FANCL: variants seen among roughly 807,000 people sequenced by gnomAD.
The protein encoded by FANCL is E3 ubiquitin-protein ligase FANCL.
A neutral mutation model predicts 59.4 loss-of-function variants in FANCL; 69 were observed. That is an observed-to-expected ratio of 1.16 (90% CI 0.96 to 1.42). The LOEUF (loss-of-function observed/expected upper bound fraction) is 1.42, where lower values mean the gene tolerates loss of function less well. Among genes scored for constraint, FANCL ranks in the 40% most tolerant of loss-of-function variants. The probability of loss-of-function intolerance (pLI) is 0.00; values close to 1 mark genes in which losing one functional copy is unlikely to be tolerated. For synonymous variants in FANCL, 180 were observed against 147.1 expected (o/e 1.22, Z -1.62); for missense variants, 519 against 447.2 (o/e 1.16, Z -1.45).
intron 6 of FANCL, among the ~76,000 whole-genome samples, chr2:58,201,088 A>G (rs1438586980): frequency 1.3e-5 from 2 of 150,752 alleles, no homozygotes; most frequent in Non-Finnish European, 3.0e-5. Flanking sequence ...TCATTTTCAG[A>G]ATAGCTTCTG....
intron 1 of FANCL, among the ~76,000 whole-genome samples, chr2:58,238,262 G>T (rs7599987): frequency 0.035 from 5,251 of 152,170 alleles, 314 homozygotes; most frequent in African/African-American, 0.12. Flanking sequence ...CAAAAGATTG[G>T]ACACCCTGTT....
intron 2 of FANCL, 26 bp downstream of exon 2, chr2:58,232,028 A>T: frequency 1.2e-6 from 2 of 1,606,138 alleles, no homozygotes; most frequent in Non-Finnish European, 8.5e-7. Flanking sequence ...GCAAAAATGC[A>T]CGTTTATAAC....
At chr2:58,161,763 A>G (rs1335466490) in intron 11 of FANCL, 125 bp from the exon 12 acceptor site, 1 of 675,872 alleles carries the variant, frequency 1.5e-6, no homozygotes, top group Non-Finnish European at 2.7e-6. Context: ...CATCAGGATA[A>G]TTAAGATATT....
chr2:58,181,895 C>T (rs920207671), intron 7 of FANCL, among the ~76,000 whole-genome samples: 4 of 151,574 alleles, frequency 2.6e-5, no homozygotes, highest in Admixed American at 1.3e-4. Flanking sequence ...GACTAATTTG[C>T]TTCATTTAAA....
chr2:58,189,611 G>A (rs1334203063), intron 7 of FANCL, among the ~76,000 whole-genome samples: 1 of 152,128 alleles, frequency 6.6e-6, no homozygotes, highest in Non-Finnish European at 1.5e-5. Context: ...AAGCACTTAA[G>A]CAGGAAAGTA....
chr2:58,219,123 A>G (rs1416880637), intron 5 of FANCL, among the ~76,000 whole-genome samples: 1 of 116,528 alleles, frequency 8.6e-6, no homozygotes, highest in Non-Finnish European at 1.7e-5. Context: ...TTTCAGTGCC[A>G]GAAAGTAAAT....
At chr2:58,206,816 C>A (rs1237002143) in intron 5 of FANCL, among the ~76,000 whole-genome samples, 3 of 152,166 alleles carry the variant, frequency 2.0e-5, no homozygotes, top group Admixed American at 2.0e-4. Flanking sequence ...AGATTAATAT[C>A]AGCATGGCCA....
At chr2:58,239,712 G>T (rs150298520) in intron 1 of FANCL, among the ~76,000 whole-genome samples, 132 of 152,256 alleles carry the variant, frequency 8.7e-4, no homozygotes, top group African/African-American at 3.0e-3. Context: ...TAGGGATAAA[G>T]GGGAACTACG....
At chr2:58,179,502 T>C (rs1687705735) in intron 7 of FANCL, among the ~76,000 whole-genome samples, 1 of 152,196 alleles carries the variant, frequency 6.6e-6, no homozygotes, top group Admixed American at 6.5e-5. Flanking sequence ...CCCTATTTAT[T>C]AAACGGTGTT....
rs541750857 is a variant in FANCL, at chr2:58,191,577, C to T, written c.540+7017G>A. Among the ~76,000 whole-genome samples the T allele has an allele frequency of 5.3e-5, 8 of 151,946 alleles. No homozygotes were observed. In the South Asian group the frequency reaches 1.7e-3, roughly 31 times the overall value. Reference sequence around the variant, plus strand: ...TGACCATGATTTTTCATTAATCATCCCTATTTCATTTTTGAGCATAGAAAA... The same window carrying T: ...TGACCATGATTTTTCATTAATCATCTCTATTTCATTTTTGAGCATAGAAAA... On this transcript the variant is annotated intron_variant, in intron 7 of 13. Coordinates refer to ENST00000233741, the MANE Select transcript of FANCL (RefSeq NM_018062.4).
chr2:58,178,319 G>C (rs947107212), intron 7 of FANCL, among the ~76,000 whole-genome samples: 1 of 152,104 alleles, frequency 6.6e-6, no homozygotes, highest in Non-Finnish European at 1.5e-5. Context: ...GAACATCAGT[G>C]TGAAAATCCT....
intron 5 of FANCL, among the ~76,000 whole-genome samples, chr2:58,211,793 A>T (rs1488283673): frequency 6.6e-6 from 1 of 152,308 alleles, no homozygotes; most frequent in East Asian, 1.9e-4. Context: ...TTGCTAAAAC[A>T]TAACAAGAGT....
At chr2:58,169,202 GA>G (rs1318257012) in intron 7 of FANCL, among the ~76,000 whole-genome samples, 1 of 152,192 alleles carries the variant, frequency 6.6e-6, no homozygotes, top group East Asian at 1.9e-4. Flanking sequence ...AGCTTCCAGA[GA>G]AAGGAACAGG....
intron 2 of FANCL, among the ~76,000 whole-genome samples, chr2:58,231,441 G>A (rs566047622): frequency 6.6e-5 from 10 of 152,246 alleles, no homozygotes; most frequent in South Asian, 2.1e-4. Flanking sequence ...GATCTGAGCC[G>A]GGAATTTGAA....
At chr2:58,163,538 A>G (rs749791110) in intron 8 of FANCL, 21 bp from the exon 9 acceptor site, 5 of 1,470,834 alleles carry the variant, frequency 3.4e-6, no homozygotes, top group Non-Finnish European at 3.8e-6. Context: ...ACAAGATTAA[A>G]TCTTTTAGAA....
At chr2:58,176,187 G>C (rs1423199735) in intron 7 of FANCL, among the ~76,000 whole-genome samples, 1 of 152,144 alleles carries the variant, frequency 6.6e-6, no homozygotes, top group African/African-American at 2.4e-5. Flanking sequence ...TCAATATCAT[G>C]AAAATGGCCA....
intron 7 of FANCL, among the ~76,000 whole-genome samples, chr2:58,190,356 G>C (rs1401827625): frequency 6.6e-6 from 1 of 151,536 alleles, no homozygotes; most frequent in Admixed American, 6.6e-5. Context: ...AGTAACTATA[G>C]CAATTCCACT....
At chr2:58,215,042 T>C (rs904124535) in intron 5 of FANCL, among the ~76,000 whole-genome samples, 2 of 152,190 alleles carry the variant, frequency 1.3e-5, no homozygotes, top group African/African-American at 4.8e-5. Flanking sequence ...CTAGAACATT[T>C]CCTCTGTCCT....
At position 58,163,467 on chromosome 2, in the gene FANCL, G is replaced by A. The variant is rs1202806362; in HGVS notation, c.742C>T (p.Leu248Phe). 3.1e-6 allele frequency: 5 copies of A among 1,610,726 alleles called. No homozygotes were observed. In the African/African-American group the frequency reaches 5.3e-5, roughly 17 times the overall value. ...IEVDPRHPTM[L>F]PECFFLGADH... ...GCTCCAAGAAAGAAGCACTCAGGAAGCATAGTAGGATGCCTGGGGTCTACC... is the reference window on the plus strand; with the variant it reads ...GCTCCAAGAAAGAAGCACTCAGGAAACATAGTAGGATGCCTGGGGTCTACC... The change falls in exon 9 of 14, where the codon CTT (leucine) becomes TTT (phenylalanine). Residue 248 changes from leucine (L) to phenylalanine (F), a missense_variant. Physicochemically the swap from Leu to Phe is conservative, Grantham distance 22. Coordinates refer to ENST00000233741, the MANE Select transcript of FANCL (RefSeq NM_018062.4).
Sources: gnomAD v4.1 joint callset for allele counts (sites outside exome capture counted in the v4.1 genomes callset) on GRCh38, gnomAD v4.1.1 for gene constraint, MANE v1.5 for transcripts, NCBI Gene and HGNC (gene_info 2026-07-23, HGNC 2026-07-21) for gene names.